Variants in AKAP10 observed in about 807,000 individuals in gnomAD.
AKAP10 encodes A-kinase anchoring protein 10.
A neutral mutation model predicts 80.8 loss-of-function variants in AKAP10; 24 were observed. The ratio of observed to expected loss-of-function variants is 0.30; its 90% CI spans 0.22 to 0.42. The LOEUF is 0.42. Among genes scored for constraint, AKAP10 ranks in the 10% least tolerant of loss-of-function variants. AKAP10 has a pLI of 1.00. For missense variants in AKAP10, 661 were observed against 794.9 expected, an observed-to-expected ratio of 0.83 and a Z score of 2.03; for synonymous variants, 291 against 277.7, an observed-to-expected ratio of 1.05 and a Z score of -0.48.
chr17:19,958,070 G>C lies in AKAP10; in HGVS notation c.821C>G (p.Ala274Gly), dbSNP rs1171290302. 5 of 1,614,024 alleles carry C rather than the reference G, an allele frequency of 3.1e-6. No homozygotes were observed. The highest frequency in any genetic ancestry group is 4.2e-6 in the Non-Finnish European group (5 of 1,180,026). Residue 274 changes from alanine (A) to glycine (G), a missense_variant, in exon 4 of 15, where the codon GCC (alanine) becomes GGC (glycine). By Grantham distance (60) the Ala-to-Gly change is moderately conservative (BLOSUM62 0). Coordinates refer to ENST00000225737, the MANE Select transcript of AKAP10 (RefSeq NM_007202.4). ...TGGAGAAGCGGGACTATTTCTACTG[G>C]CTACTGTAAGTGTAGAGGAAGATTC... ...TQESSSTLTV[A>G]SRNSPASPLK...
At chr17:19,911,374 G>T (rs999146362) in intron 12 of AKAP10, among the ~76,000 whole-genome samples, 2 of 152,140 alleles carry the variant, frequency 1.3e-5, no homozygotes, top group East Asian at 3.9e-4. Context: ...TCATAAATCC[G>T]ACCTTCCCTC....
At chr17:19,975,773 G>A (rs1239535578) in intron 1 of AKAP10, among the ~76,000 whole-genome samples, 1 of 152,070 alleles carries the variant, frequency 6.6e-6, no homozygotes, top group Admixed American at 6.6e-5. Context: ...GCAGACTCTG[G>A]ACACTCAAAA....
At chr17:19,969,713 T>C (rs953034399) in intron 1 of AKAP10, among the ~76,000 whole-genome samples, 4 of 152,158 alleles carry the variant, frequency 2.6e-5, no homozygotes, top group African/African-American at 7.2e-5. Context: ...AACTGTTGAG[T>C]GCTTGGTATG....
chr17:19,970,790 C>T (rs2152419613), intron 1 of AKAP10, among the ~76,000 whole-genome samples: 1 of 151,956 alleles, frequency 6.6e-6, no homozygotes, highest in South Asian at 2.1e-4. Context: ...ACCACTGTAC[C>T]CCAGCCTGGG....
intron 1 of AKAP10, among the ~76,000 whole-genome samples, chr17:19,973,740 AAC>A (rs1275097647): frequency 6.6e-6 from 1 of 152,252 alleles, no homozygotes; most frequent in African/African-American, 2.4e-5. Context: ...ACTCAATCTT[AAC>A]AGAGATGACT....
intron 1 of AKAP10, 46 bp from the exon 2 acceptor site, chr17:19,968,507 T>C (rs2043452651): frequency 6.7e-7 from 1 of 1,489,288 alleles, no homozygotes; most frequent in South Asian, 1.1e-5. Context: ...CAGTCAGAGA[T>C]CCATTCTATA....
At chr17:19,965,513 C>T (rs115705376) in intron 2 of AKAP10, among the ~76,000 whole-genome samples, 330 of 152,224 alleles carry the variant, frequency 2.2e-3, no homozygotes, top group African/African-American at 7.7e-3. Flanking sequence ...CCTTCTATAC[C>T]TTCATCTCAA....
chr17:19,946,158 TAATA>T (rs1215921993), intron 5 of AKAP10, among the ~76,000 whole-genome samples: 2 of 109,078 alleles, frequency 1.8e-5, no homozygotes, highest in Admixed American at 2.3e-4. Context: ...GTATATATAC[TAATA>T]TATAATATAT....
intron 10 of AKAP10, among the ~76,000 whole-genome samples, chr17:19,927,127 T>A (rs2042883215): frequency 6.6e-6 from 1 of 152,064 alleles, no homozygotes; most frequent in African/African-American, 2.4e-5. Context: ...ACTTTGAGCC[T>A]AGAGTTTGAG....
At chr17:19,947,223 G>C in intron 5 of AKAP10, 184 bp downstream of exon 5, 1 of 573,774 alleles carries the variant, frequency 1.7e-6, no homozygotes, top group South Asian at 2.0e-5. Context: ...CCCTCGCACC[G>C]AATGCAGCCG....
intron 12 of AKAP10, among the ~76,000 whole-genome samples, chr17:19,914,489 A>G (rs570078564): frequency 6.6e-6 from 1 of 152,094 alleles, no homozygotes; most frequent in East Asian, 1.9e-4. Flanking sequence ...AAAAAGTAAA[A>G]TAATAAGCCA....
chr17:19,968,816 T>C (rs2043457176), intron 1 of AKAP10, among the ~76,000 whole-genome samples: 1 of 152,160 alleles, frequency 6.6e-6, no homozygotes, highest in Admixed American at 6.5e-5. Context: ...TAATAAAAAC[T>C]ACCTTAGAGG....
chr17:19,950,943 C>T (rs1437871938), intron 4 of AKAP10, among the ~76,000 whole-genome samples: 1 of 143,824 alleles, frequency 7.0e-6, no homozygotes, highest in Non-Finnish European at 1.5e-5. Context: ...ATGGGAGGAG[C>T]GCCTCTGCCC....
intron 10 of AKAP10, among the ~76,000 whole-genome samples, chr17:19,928,856 C>A (rs993855180): frequency 6.6e-6 from 1 of 152,098 alleles, no homozygotes; most frequent in Non-Finnish European, 1.5e-5. Context: ...GGCGACAGAG[C>A]AAGACTCCAC....
In AKAP10 at chr17:19,905,293, G is replaced by T. The variant is rs1370949871; in HGVS notation, c.*934C>A. 1.3e-5 allele frequency: 2 copies of T among 151,934 alleles called. No homozygotes were observed. Among genetic ancestry groups the T allele is most frequent in the African/African-American group, 4.8e-5 (2 of 41,366 alleles). The allele number at this position is 151,934 out of a possible 1,614,324, so 9.4% of individuals were successfully genotyped here. A position where few individuals can be genotyped will look rare whatever the true frequency, so the allele number is the denominator to read the frequency against. ...TTCCAGCTCACAGCAAAGAATGGGG[G>T]AGGCAGTCAAAGTCAAATGTTTCTC... On this transcript the variant is annotated 3_prime_UTR_variant, in exon 15 of 15. Transcript: ENST00000225737.
chr17:19,923,373 C>T (rs982840147), intron 11 of AKAP10, among the ~76,000 whole-genome samples: 6 of 151,196 alleles, frequency 4.0e-5, no homozygotes, highest in Admixed American at 1.3e-4. Context: ...CCACCGTGCC[C>T]GGCCTTGTCC....
At chr17:19,962,323 C>T (rs199934608) in intron 3 of AKAP10, among the ~76,000 whole-genome samples, 2 of 147,068 alleles carry the variant, frequency 1.4e-5, no homozygotes, top group South Asian at 2.1e-4. Context: ...CACACACACA[C>T]ATACACACCT....
intron 12 of AKAP10, among the ~76,000 whole-genome samples, chr17:19,918,224 CAAA>C (rs559332326): frequency 4.6e-5 from 4 of 86,038 alleles, no homozygotes; most frequent in African/African-American, 4.0e-5. Context: ...CCGTCTCAAA[CAAA>C]AAAAAAAAAA....
intron 10 of AKAP10, among the ~76,000 whole-genome samples, chr17:19,926,217 T>C (rs1294834163): frequency 2.0e-5 from 3 of 149,946 alleles, no homozygotes; most frequent in Non-Finnish European, 3.0e-5. Context: ...CCAAAATCCA[T>C]AGGATCATTT....
Sources: gnomAD v4.1 joint callset for allele counts (sites outside exome capture counted in the v4.1 genomes callset) on GRCh38, gnomAD v4.1.1 for gene constraint, MANE v1.5 for transcripts, NCBI Gene and HGNC (gene_info 2026-07-23, HGNC 2026-07-21) for gene names.